The following GLYR1 variants were observed in gnomAD, a reference collection of about 807,000 sequenced individuals.
The protein encoded by GLYR1 is glyoxylate reductase 1 homolog.
Under a neutral mutation model 72.7 loss-of-function variants are expected in GLYR1, and 21 were observed. The ratio of observed to expected loss-of-function variants is 0.29; its 90% CI spans 0.20 to 0.42. The LOEUF is 0.42. GLYR1 is among the 10% of genes least tolerant of loss of function. GLYR1 has a pLI of 1.00. For synonymous variants in GLYR1, 392 were observed against 270.2 expected (o/e 1.45, Z -4.42); for missense variants, 594 against 712.1 (o/e 0.83, Z 1.89).
At chr16:4,827,588 AAAAC>A (rs954307885) in intron 5 of GLYR1, among the ~76,000 whole-genome samples, 124 of 135,736 alleles carry the variant, frequency 9.1e-4, no homozygotes, top group Admixed American at 5.7e-3. Flanking sequence ...TGCACTTAAA[AAAAC>A]AAACAAACAA....
Position 4,822,392 on chromosome 16 carries a change from GTTTA to G in GLYR1, c.681+479_681+482del, listed in dbSNP as rs367821529. Among the ~76,000 whole-genome samples the G allele has an allele frequency of 5.8e-3, 887 of 151,688 alleles. 10 individuals are homozygous for G. The highest frequency in any genetic ancestry group is 0.02 in the African/African-American group (837 of 41,322). ...ATGAGCCACCATGCCCGGCCTTTGG[GTTTA>G]TTTATCTTTTTTGAGACAGAGTCTT... On this transcript the variant is annotated intron_variant, in intron 7 of 15. Coordinates refer to ENST00000321919, the MANE Select transcript of GLYR1 (RefSeq NM_032569.4).
At chr16:4,811,988 C>T in intron 13 of GLYR1, 98 bp downstream of exon 13, 1 of 1,490,440 alleles carries the variant, frequency 6.7e-7, no homozygotes, top group Non-Finnish European at 9.0e-7. Context: ...TCCCCAGGGT[C>T]CCCGGCAGAA....
chr16:4,831,776 T>C (rs1476599368), intron 5 of GLYR1, among the ~76,000 whole-genome samples: 2 of 152,210 alleles, frequency 1.3e-5, no homozygotes, highest in Admixed American at 6.5e-5. Context: ...GCTCAAGCCA[T>C]CTTCCTGACT....
intron 3 of GLYR1, among the ~76,000 whole-genome samples, chr16:4,842,630 G>T (rs183319952): frequency 1.8e-4 from 28 of 152,128 alleles, no homozygotes; most frequent in Non-Finnish European, 3.4e-4. Context: ...CAAAGTGCTG[G>T]GATTACAGGC....
At chr16:4,836,523 A>G (rs1281226646) in intron 3 of GLYR1, among the ~76,000 whole-genome samples, 2 of 152,226 alleles carry the variant, frequency 1.3e-5, no homozygotes, top group Non-Finnish European at 2.9e-5. Flanking sequence ...AGAATGAATG[A>G]CACATTGTGA....
At chr16:4,845,836 A>G (rs1031906541) in intron 2 of GLYR1, among the ~76,000 whole-genome samples, 3 of 152,218 alleles carry the variant, frequency 2.0e-5, no homozygotes, top group Admixed American at 2.0e-4. Context: ...TCACTAACCT[A>G]CATTTAGACT....
chr16:4,827,268 A>C (rs2084441327), intron 5 of GLYR1, among the ~76,000 whole-genome samples: 1 of 152,254 alleles, frequency 6.6e-6, no homozygotes, highest in South Asian at 2.1e-4. Flanking sequence ...AATGACAATT[A>C]CTATAGCAAC....
At chr16:4,830,331 A>T (rs1010103841) in intron 5 of GLYR1, among the ~76,000 whole-genome samples, 3 of 150,110 alleles carry the variant, frequency 2.0e-5, no homozygotes, top group African/African-American at 7.4e-5. Flanking sequence ...AAGTGCTATG[A>T]TTGCAGGTAT....
At chr16:4,844,837 T>A (rs1260768108) in intron 3 of GLYR1, among the ~76,000 whole-genome samples, 1 of 152,188 alleles carries the variant, frequency 6.6e-6, no homozygotes, top group East Asian at 1.9e-4. Context: ...ATTGTTATAG[T>A]TAGAAGGTAA....
chr16:4,828,463 G>T (rs894008877), intron 5 of GLYR1, among the ~76,000 whole-genome samples: 1 of 152,036 alleles, frequency 6.6e-6, no homozygotes, highest in Non-Finnish European at 1.5e-5. Flanking sequence ...AAACCAAGAC[G>T]TTTGTGTGAC....
At chr16:4,835,336 A>G (rs2085062325) in intron 3 of GLYR1, among the ~76,000 whole-genome samples, 1 of 152,228 alleles carries the variant, frequency 6.6e-6, no homozygotes, top group Non-Finnish European at 1.5e-5. Context: ...TTCTGCTAGA[A>G]GGAACTGTAC....
intron 4 of GLYR1, 103 bp downstream of exon 4, chr16:4,832,671 T>C: frequency 1.5e-6 from 2 of 1,331,790 alleles, no homozygotes; most frequent in East Asian, 2.4e-5. Flanking sequence ...CAGTAGCATT[T>C]CAGAAGAACA....
At chr16:4,836,119 G>C (rs1461185642) in intron 3 of GLYR1, among the ~76,000 whole-genome samples, 1 of 152,122 alleles carries the variant, frequency 6.6e-6, no homozygotes, top group Non-Finnish European at 1.5e-5. Flanking sequence ...TTTTTAATGA[G>C]AATATGCTTT....
chr16:4,823,953 A>G, intron 5 of GLYR1, 46 bp from the exon 6 acceptor site: 5 of 1,477,020 alleles, frequency 3.4e-6, no homozygotes, highest in Non-Finnish European at 4.7e-6. Context: ...TTCAAACCCC[A>G]ACAAAACCCC....
chr16:4,827,096 G>A (rs976611789), intron 5 of GLYR1, among the ~76,000 whole-genome samples: 2 of 152,222 alleles, frequency 1.3e-5, no homozygotes, highest in South Asian at 4.1e-4. Flanking sequence ...AGGTCCAGAC[G>A]CAAACCCAGC....
chr16:4,834,390 C>G (rs2084996743), intron 3 of GLYR1, among the ~76,000 whole-genome samples: 1 of 150,760 alleles, frequency 6.6e-6, no homozygotes, highest in Non-Finnish European at 1.5e-5. Flanking sequence ...AACCTCGCCT[C>G]CTAGGTTCAA....
At chr16:4,832,487 A>G in intron 4 of GLYR1, 1 of 574,156 alleles carries the variant, frequency 1.7e-6, no homozygotes, top group Non-Finnish European at 3.0e-6. Context: ...TATGCTCCTA[A>G]TCTGTGTGCT....
Position 4,846,008 on chromosome 16 carries a change from GC to G in GLYR1, c.75+165del, listed in dbSNP as rs147354335. Among the ~76,000 whole-genome samples the G allele has an allele frequency of 2.2e-3, 328 of 152,250 alleles. 1 individual carries two copies. Among genetic ancestry groups the G allele is most frequent in the African/African-American group, 7.4e-3 (308 of 41,546 alleles). ...AAGATTTAATGATCTGGTGTATACTGCATTGCCTTTTAAAAAATAACCGATA... is the reference window on the plus strand; with the variant it reads ...AAGATTTAATGATCTGGTGTATACTGATTGCCTTTTAAAAAATAACCGATA... On this transcript the variant is annotated intron_variant, in intron 2 of 15. Coordinates refer to ENST00000321919, the MANE Select transcript of GLYR1 (RefSeq NM_032569.4).
rs143518556 is a variant in GLYR1 at position 4,827,639 on chromosome 16, G to A, written c.538-3732C>T. On this transcript the variant is annotated intron_variant, in intron 5 of 15. Transcript: ENST00000321919. ...AAACGGGCCAGGCACGGTGGCTCAC[G>A]CCTGTCATCCCAGCACTTTGGGAGG... Among the ~76,000 whole-genome samples the A allele has an allele frequency of 5.4e-3, 825 of 152,154 alleles. 8 individuals are homozygous for A. The highest frequency in any genetic ancestry group is 0.019 in the African/African-American group (786 of 41,496).
Sources: allele counts gnomAD v4.1 joint callset (sites outside exome capture counted in the v4.1 genomes callset), GRCh38; gene constraint gnomAD v4.1.1; transcripts MANE v1.5; gene names NCBI Gene and HGNC (gene_info 2026-07-23, HGNC 2026-07-21).